The following HECW2 variants were observed in gnomAD, a reference collection of about 807,000 sequenced individuals.
HECW2 encodes HECT, C2 and WW domain containing E3 ubiquitin protein ligase 2, also known as E3 ubiquitin-protein ligase HECW2.
HECW2 carries 61 observed loss-of-function variants against 175.2 expected under a neutral mutation model. The observed-to-expected ratio is 0.35, with a 90% CI of 0.28 to 0.43. The LOEUF is 0.43. Ranked by LOEUF, HECW2 falls within the 20% of genes least tolerant of loss-of-function variation. HECW2 has a pLI of 1.00. For synonymous variants in HECW2, 671 were observed against 731.0 expected (o/e 0.92, Z 1.32); for missense variants, 1,524 against 2,000.5 (o/e 0.76, Z 4.54).
intron 2 of HECW2, among the ~76,000 whole-genome samples, chr2:196,362,961 A>T (rs567192315): frequency 6.6e-6 from 1 of 152,188 alleles, no homozygotes; most frequent in Non-Finnish European, 1.5e-5. Flanking sequence ...GATGCAAACT[A>T]GATTTAAGCT....
At chr2:196,455,823 A>G (rs1204132068) in intron 1 of HECW2, among the ~76,000 whole-genome samples, 1 of 152,092 alleles carries the variant, frequency 6.6e-6, no homozygotes, top group Non-Finnish European at 1.5e-5. Flanking sequence ...TCAGACAATA[A>G]TGCAGTTTGT....
At chr2:196,337,674 C>G (rs1276061491) in intron 3 of HECW2, among the ~76,000 whole-genome samples, 1 of 150,838 alleles carries the variant, frequency 6.6e-6, no homozygotes, top group East Asian at 1.9e-4. Context: ...ATCTATCTAC[C>G]TCCATTCTTT....
chr2:196,503,420 G>A (rs912845269), intron 1 of HECW2, among the ~76,000 whole-genome samples: 1 of 152,190 alleles, frequency 6.6e-6, no homozygotes, highest in Non-Finnish European at 1.5e-5. Flanking sequence ...GGCAGTAGTG[G>A]GTTCATCTAC....
At chr2:196,274,159 G>A (rs779453569) in intron 15 of HECW2, 36 bp from the exon 16 acceptor site, 4 of 1,498,656 alleles carry the variant, frequency 2.7e-6, no homozygotes, top group African/African-American at 1.4e-5. Flanking sequence ...TCTGCACCAA[G>A]AGCCAGAATG....
intron 28 of HECW2, among the ~76,000 whole-genome samples, chr2:196,205,329 G>A (rs938642089): frequency 1.2e-4 from 18 of 152,126 alleles, no homozygotes; most frequent in African/African-American, 2.7e-4. Context: ...AACTGAAAGC[G>A]GGGAGATTAA....
intron 14 of HECW2, among the ~76,000 whole-genome samples, chr2:196,280,450 TTTACATCTTTATAAAG>T (rs1338681539): frequency 6.6e-6 from 1 of 152,180 alleles, no homozygotes; most frequent in Non-Finnish European, 1.5e-5. Context: ...AGAAAACATT[TTTACATCTTTATAAAG>T]AAATAACTTT....
intron 12 of HECW2, 65 bp downstream of exon 12, chr2:196,307,065 G>T: frequency 8.9e-7 from 1 of 1,121,618 alleles, no homozygotes; most frequent in Non-Finnish European, 1.3e-6. Context: ...TTACTTGTTG[G>T]GAATCCTTAT....
intron 1 of HECW2, among the ~76,000 whole-genome samples, chr2:196,455,253 C>T (rs1265118527): frequency 2.0e-5 from 3 of 152,144 alleles, no homozygotes; most frequent in Non-Finnish European, 1.5e-5. Context: ...AGGATGGTCT[C>T]GATCTCCTGA....
chr2:196,249,139 C>T (rs1291509415), intron 19 of HECW2, among the ~76,000 whole-genome samples: 4 of 152,206 alleles, frequency 2.6e-5, no homozygotes, highest in Non-Finnish European at 5.9e-5. Flanking sequence ...GGAAAATCCA[C>T]ATAAGAGAGC....
At chr2:196,589,458 A>G (rs1428525616) in intron 1 of HECW2, among the ~76,000 whole-genome samples, 1 of 152,186 alleles carries the variant, frequency 6.6e-6, no homozygotes, top group Non-Finnish European at 1.5e-5. Flanking sequence ...CACCTGCACA[A>G]TCTCAAACCC....
intron 1 of HECW2, among the ~76,000 whole-genome samples, chr2:196,593,178 A>C (rs926666130): frequency 2.0e-5 from 3 of 148,166 alleles, no homozygotes; most frequent in Non-Finnish European, 3.0e-5. Flanking sequence ...GCCGCCACCC[A>C]CCCCCGGGTT....
chr2:196,490,893 AT>A (rs1469942805), intron 1 of HECW2, among the ~76,000 whole-genome samples: 1 of 152,192 alleles, frequency 6.6e-6, no homozygotes, highest in African/African-American at 2.4e-5. Flanking sequence ...TATAAGAAAT[AT>A]TTAGAAAAAG....
intron 1 of HECW2, among the ~76,000 whole-genome samples, chr2:196,519,737 T>C (rs556329397): frequency 1.3e-5 from 2 of 152,366 alleles, no homozygotes; most frequent in South Asian, 2.1e-4. Context: ...GAAAAATTAA[T>C]GTTTAAGCCA....
intron 1 of HECW2, among the ~76,000 whole-genome samples, chr2:196,476,196 C>A (rs112614164): frequency 0.084 from 12,763 of 151,822 alleles, 616 homozygotes; most frequent in Middle Eastern, 0.13. Flanking sequence ...GTAATCCCAG[C>A]ATTTTGGGAG....
chr2:196,427,906 T>C (rs1263940511), intron 2 of HECW2, among the ~76,000 whole-genome samples: 1 of 152,218 alleles, frequency 6.6e-6, no homozygotes, highest in Non-Finnish European at 1.5e-5. Context: ...TTTCTTTGTA[T>C]TTCCAATAGG....
chr2:196,377,869 CCAAA>C (rs976041110), intron 2 of HECW2, among the ~76,000 whole-genome samples: 1 of 151,736 alleles, frequency 6.6e-6, no homozygotes, highest in African/African-American at 2.4e-5. Context: ...AAAATGTGAA[CCAAA>C]CAAACAAGCA....
chr2:196,543,237 G>GA (rs1240282366), intron 1 of HECW2, among the ~76,000 whole-genome samples: 1 of 150,924 alleles, frequency 6.6e-6, no homozygotes, highest in Non-Finnish European at 1.5e-5. Flanking sequence ...TACAAGTGAA[G>GA]AGTGTCACAT....
chr2:196,333,526 C>T (rs993687133), intron 4 of HECW2, among the ~76,000 whole-genome samples: 1 of 152,182 alleles, frequency 6.6e-6, no homozygotes, highest in African/African-American at 2.4e-5. Context: ...CATACACCCA[C>T]ACATACAATG....
intron 3 of HECW2, among the ~76,000 whole-genome samples, chr2:196,341,306 G>A (rs985171366): frequency 6.6e-6 from 1 of 152,092 alleles, no homozygotes; most frequent in Non-Finnish European, 1.5e-5. Context: ...TCCAAAGGAA[G>A]TGATTTTACC....
Sources: allele counts gnomAD v4.1 joint callset (sites outside exome capture counted in the v4.1 genomes callset), GRCh38; gene constraint gnomAD v4.1.1; transcripts MANE v1.5; gene names NCBI Gene and HGNC (gene_info 2026-07-23, HGNC 2026-07-21).